The following KIT variants were observed in gnomAD, a reference collection of about 807,000 sequenced individuals.
KIT encodes mast/stem cell growth factor receptor Kit.
A neutral mutation model predicts 105.7 loss-of-function variants in KIT; 16 were observed. The ratio of observed to expected loss-of-function variants is 0.15; its 90% CI spans 0.10 to 0.23. The LOEUF (loss-of-function observed/expected upper bound fraction) is 0.23, where lower values mean the gene tolerates loss of function less well. Ranked by LOEUF, KIT falls within the 10% of genes least tolerant of loss-of-function variation. The pLI is 1.00. For missense variants in KIT, 858 were observed against 1,213.8 expected (o/e 0.71, Z 4.36); for synonymous variants, 438 against 441.1 (o/e 0.99, Z 0.09).
Position 54,727,312 on chromosome 4 carries a change from C to T in KIT, c.1635C>T (p.Tyr545=), listed in dbSNP as rs374123328. ...MMCIIVMILT[Y]KYLQKPMYEV... Reference sequence around the variant, plus strand: ...GCATTATTGTGATGATTCTGACCTACAAATATTTACAGGTAACCATTTATT... The same window carrying T: ...GCATTATTGTGATGATTCTGACCTATAAATATTTACAGGTAACCATTTATT... Residue 545 remains tyrosine (Y), a synonymous_variant, in exon 10 of 21, where the codon TAC becomes TAT. Transcript: ENST00000288135. 2 of 1,613,628 alleles carry T rather than the reference C, an allele frequency of 1.2e-6. No individual in the cohort carries two copies. The highest frequency in any genetic ancestry group is 2.7e-5 in the African/African-American group (2 of 75,038).
chr4:54,736,860 CT>C (rs1560425079), intron 19 of KIT, 40 bp downstream of exon 19: 5 of 1,490,922 alleles, frequency 3.4e-6, no homozygotes, highest in Non-Finnish European at 4.7e-6. Flanking sequence ...CACGTTTTCC[CT>C]TTTATTTTTC....
intron 20 of KIT, 152 bp downstream of exon 20, chr4:54,737,432 AT>A (rs1722989437): frequency 1.4e-6 from 1 of 702,622 alleles, no homozygotes; most frequent in Admixed American, 2.0e-5. Flanking sequence ...AAGTAAAGCA[AT>A]GGAAACTAGT....
chr4:54,659,353 C>T (rs1044531154), intron 1 of KIT, among the ~76,000 whole-genome samples: 2 of 152,166 alleles, frequency 1.3e-5, no homozygotes, highest in African/African-American at 4.8e-5. Context: ...GTGCAGGTCG[C>T]CCAGCTCACC....
intron 1 of KIT, among the ~76,000 whole-genome samples, chr4:54,691,128 C>T (rs1456115437): frequency 6.6e-6 from 1 of 151,934 alleles, no homozygotes; most frequent in East Asian, 1.9e-4. Flanking sequence ...TGACATGGGT[C>T]ATCTTTTGGG....
rs1026949801 is a variant in KIT at position 54,739,496 on chromosome 4, C to T, written c.*939C>T. On this transcript the variant is annotated 3_prime_UTR_variant, in exon 21 of 21. Coordinates refer to ENST00000288135, the MANE Select transcript of KIT (RefSeq NM_000222.3). ...ATCAGCTTCAGAATGGCATTGTACT[C>T]AATGGATTTGATGCTGTTTGACAAA... 8.6e-6 allele frequency: 2 copies of T among 233,400 alleles called. No homozygotes were observed. The highest frequency in any genetic ancestry group is 1.7e-5 in the Non-Finnish European group (2 of 117,922). 14.5% of individuals were successfully genotyped at this position (233,400 alleles called of 1,614,324 possible). A position where few individuals can be genotyped will look rare whatever the true frequency, so the allele number is the denominator to read the frequency against.
Position 54,738,833 on chromosome 4 carries a change from T to TG in KIT, c.*281dup. ...TGGAAAAAGAGAGGGAGGTATGGAC[T>TG]GGGGGCCAGAGTCCTTTCCAAGGCT... is the stretch of plus-strand genomic sequence containing the variant. On this transcript the variant is annotated 3_prime_UTR_variant, in exon 21 of 21. Coordinates refer to ENST00000288135, the MANE Select transcript of KIT (RefSeq NM_000222.3). 3.3e-6 allele frequency: 2 copies of TG among 602,064 alleles called. No homozygotes were observed. The highest frequency in any genetic ancestry group is 4.0e-5 in the South Asian group (2 of 49,810). 37.3% of individuals were successfully genotyped at this position (602,064 alleles called of 1,614,324 possible).
chr4:54,660,610 C>A (rs879268563), intron 1 of KIT, among the ~76,000 whole-genome samples: 1 of 152,096 alleles, frequency 6.6e-6, no homozygotes, highest in Non-Finnish European at 1.5e-5. Context: ...TGTTGCTCTT[C>A]AGTTGGAAAC....
At chr4:54,709,660 C>G in intron 7 of KIT, 121 bp downstream of exon 7, 3 of 732,316 alleles carry the variant, frequency 4.1e-6, no homozygotes, top group Non-Finnish European at 2.4e-6. Flanking sequence ...ATAATCTTGA[C>G]CTTCACAGAG....
Position 54,675,577 on chromosome 4 carries a change from T to C in KIT, c.67+17496T>C, listed in dbSNP as rs572661907. ...TGCTTTTAAACCAATGTGATTGTTT[T>C]GGCCTAATTATTTTCTGTTTTGCTT... On this transcript the variant is annotated intron_variant, in intron 1 of 20. Coordinates refer to ENST00000288135, the MANE Select transcript of KIT (RefSeq NM_000222.3). Among the ~76,000 whole-genome samples, 25 of 152,346 alleles carry C rather than the reference T, an allele frequency of 1.6e-4. No homozygotes were observed. In the South Asian group the frequency reaches 4.1e-3, roughly 25 times the overall value.
intron 17 of KIT, 61 bp downstream of exon 17, chr4:54,733,253 A>G (rs2109802610): frequency 6.4e-7 from 1 of 1,572,728 alleles, no homozygotes; most frequent in Non-Finnish European, 8.7e-7. Flanking sequence ...ACTTTCGATA[A>G]AAATTGTTTC....
At chr4:54,737,322 G>C (rs979991506) in intron 20 of KIT, 42 bp downstream of exon 20, 1 of 1,290,388 alleles carries the variant, frequency 7.7e-7, no homozygotes, top group African/African-American at 1.5e-5. Context: ...CCTTCTCCCA[G>C]TTCCAGGTGT....
chr4:54,711,851 C>T (rs549018664), intron 7 of KIT, among the ~76,000 whole-genome samples: 2 of 151,268 alleles, frequency 1.3e-5, no homozygotes, highest in African/African-American at 4.9e-5. Flanking sequence ...TGAACCTCAA[C>T]CTGGGAGACA....
Position 54,693,887 on chromosome 4 carries a change from T to C in KIT, c.68-1625T>C, listed in dbSNP as rs145010381. 1.5e-4 allele frequency among the ~76,000 whole-genome samples: 23 copies of C among 152,338 alleles called. No individual in the cohort carries two copies. In the East Asian group the frequency reaches 4.4e-3, roughly 29 times the overall value. On this transcript the variant is annotated intron_variant, in intron 1 of 20. Coordinates refer to ENST00000288135, the MANE Select transcript of KIT (RefSeq NM_000222.3). ...TTTCATCCCGCTGATATGGCCTTCC[T>C]CTGACAATCTATAGTGTCTTTTCCT...
chr4:54,719,570 A>ATTTT (rs11462194), intron 7 of KIT, among the ~76,000 whole-genome samples: 3 of 150,974 alleles, frequency 2.0e-5, no homozygotes, highest in Non-Finnish European at 3.0e-5. Context: ...CAAAAAGGCT[A>ATTTT]TTTTTTTTTA....
At chr4:54,720,097 C>G (rs552421293) in intron 7 of KIT, among the ~76,000 whole-genome samples, 30 of 152,220 alleles carry the variant, frequency 2.0e-4, no homozygotes, top group African/African-American at 7.2e-4. Context: ...TTGCCTTACT[C>G]TTGTCCTGGC....
chr4:54,714,267 A>C (rs1721328766), intron 7 of KIT, among the ~76,000 whole-genome samples: 1 of 152,172 alleles, frequency 6.6e-6, no homozygotes, highest in African/African-American at 2.4e-5. Flanking sequence ...TCTTGGAAAT[A>C]TTAGAAAAAA....
intron 7 of KIT, among the ~76,000 whole-genome samples, chr4:54,717,530 G>A (rs966048968): frequency 1.3e-5 from 2 of 152,108 alleles, no homozygotes; most frequent in Non-Finnish European, 2.9e-5. Flanking sequence ...GTAAACTTCT[G>A]CTGGAATTGA....
intron 1 of KIT, among the ~76,000 whole-genome samples, chr4:54,690,069 G>T (rs113925189): frequency 0.097 from 13,990 of 144,566 alleles, 803 homozygotes; most frequent in Non-Finnish European, 0.13. Flanking sequence ...GGGGGGGGGG[G>T]GCTGTGTAAT....
chr4:54,734,464 G>T (rs193219632), intron 17 of KIT, among the ~76,000 whole-genome samples: 1 of 152,100 alleles, frequency 6.6e-6, no homozygotes, highest in African/African-American at 2.4e-5. Flanking sequence ...TCTTATTTAC[G>T]ATCTAAATAA....
Sources: allele counts gnomAD v4.1 joint callset (sites outside exome capture counted in the v4.1 genomes callset), GRCh38; gene constraint gnomAD v4.1.1; transcripts MANE v1.5; gene names NCBI Gene and HGNC (gene_info 2026-07-23, HGNC 2026-07-21).